PRIM2: variants seen among roughly 807,000 people sequenced by gnomAD.
The protein encoded by PRIM2 is DNA primase large subunit.
A neutral mutation model predicts 67.3 loss-of-function variants in PRIM2; 39 were observed. The ratio of observed to expected loss-of-function variants is 0.58; its 90% CI spans 0.45 to 0.76. The LOEUF (loss-of-function observed/expected upper bound fraction) is 0.76. Ranked by LOEUF, PRIM2 falls within the 30% of genes least tolerant of loss-of-function variation. PRIM2 has a pLI of 0.00. For synonymous variants in PRIM2, 143 were observed against 198.7 expected, an observed-to-expected ratio of 0.72 and a Z score of 2.36; for missense variants, 398 against 598.7, an observed-to-expected ratio of 0.66 and a Z score of 3.50.
chr6:57,316,719 G>A (rs917139030), upstream of PRIM2, among the ~76,000 whole-genome samples: 1 of 152,220 alleles, frequency 6.6e-6, no homozygotes, highest in Non-Finnish European at 1.5e-5. Flanking sequence ...TCCAGTTCTC[G>A]AAAATCTTAC....
At chr6:57,229,182 C>A in the PRIM2 span, among the ~76,000 whole-genome samples, 1 of 152,164 alleles carries the variant, frequency 6.6e-6, no homozygotes, top group Non-Finnish European at 1.5e-5. Flanking sequence ...TTGCCTCTAA[C>A]CCATTCTATT....
chr6:57,315,861 T>G (rs1339996779), upstream of PRIM2, among the ~76,000 whole-genome samples: 1 of 152,244 alleles, frequency 6.6e-6, no homozygotes, highest in Non-Finnish European at 1.5e-5. Context: ...TATCCAGAGA[T>G]AAGATATTCA....
At chr6:57,402,820 A>G (rs1007896206) in intron 7 of PRIM2, among the ~76,000 whole-genome samples, 12 of 152,206 alleles carry the variant, frequency 7.9e-5, no homozygotes, top group African/African-American at 2.9e-4. Context: ...AGGCAATATA[A>G]AATGGGGGTT....
intron 7 of PRIM2, among the ~76,000 whole-genome samples, chr6:57,489,624 A>G (rs1421965003): frequency 1.3e-5 from 2 of 152,312 alleles, no homozygotes; most frequent in Non-Finnish European, 1.5e-5. Flanking sequence ...AGGTAATTCT[A>G]TTTTCTAATA....
At chr6:57,248,456 C>T in the PRIM2 span, among the ~76,000 whole-genome samples, 1 of 152,110 alleles carries the variant, frequency 6.6e-6, no homozygotes, top group African/African-American at 2.4e-5. Flanking sequence ...AATGCACAAA[C>T]AAAGCAAGGC....
At chr6:57,234,638 C>T in the PRIM2 span, among the ~76,000 whole-genome samples, 4 of 152,260 alleles carry the variant, frequency 2.6e-5, no homozygotes, top group South Asian at 6.2e-4. Context: ...ATTCTCTTGC[C>T]TCAGCCTCCC....
chr6:57,237,106 T>A, the PRIM2 span, among the ~76,000 whole-genome samples: 1 of 151,680 alleles, frequency 6.6e-6, no homozygotes, highest in Non-Finnish European at 1.5e-5. Context: ...TGATCGCCAT[T>A]CTAACTGGTG....
At chr6:57,384,157 C>A (rs1562723808) in intron 7 of PRIM2, among the ~76,000 whole-genome samples, 2 of 152,238 alleles carry the variant, frequency 1.3e-5, no homozygotes, top group Non-Finnish European at 2.9e-5. Context: ...TGGGATCAGG[C>A]TTTATTTCTA....
At chr6:57,492,396 A>C (rs1554346043) in intron 7 of PRIM2, among the ~76,000 whole-genome samples, 1 of 152,020 alleles carries the variant, frequency 6.6e-6, no homozygotes, top group Admixed American at 6.6e-5. Flanking sequence ...TACAAAAATT[A>C]GCAGGGCATG....
At chr6:57,545,420 C>A (rs1434971108) in intron 10 of PRIM2, among the ~76,000 whole-genome samples, 1 of 152,036 alleles carries the variant, frequency 6.6e-6, no homozygotes, top group Admixed American at 6.5e-5. Flanking sequence ...CTTTCCAAGA[C>A]CTTATTTTAT....
intron 7 of PRIM2, among the ~76,000 whole-genome samples, chr6:57,431,110 G>A (rs1212342345): frequency 8.5e-5 from 13 of 152,048 alleles, no homozygotes; most frequent in East Asian, 3.9e-4. Flanking sequence ...AATCTTCGTC[G>A]TGTCCCTTTT....
rs1473401338 is a variant in PRIM2, at chr6:57,463,123, C to T, written c.694-44264C>T. ...TGGCAGAGGGGTGGTGGGAAAAGCA[C>T]TGGCTCGGAAATCTAGAACTGAGTT... On this transcript the variant is annotated intron_variant, in intron 7 of 13. Transcript: ENST00000615550. 4.6e-5 allele frequency among the ~76,000 whole-genome samples: 7 copies of T among 152,262 alleles called. No homozygotes were observed. In the East Asian group the frequency reaches 1.4e-3, roughly 29 times the overall value.
chr6:57,540,445 T>C lies in PRIM2; in HGVS notation c.1020+2820T>C, dbSNP rs1316987652. Among the ~76,000 whole-genome samples the C allele has an allele frequency of 6.6e-5, 10 of 152,306 alleles. No homozygotes were observed. The East Asian group carries it at 1.7e-3, about 26-fold the overall frequency. On this transcript the variant is annotated intron_variant, in intron 10 of 13. Coordinates refer to ENST00000615550, the MANE Select transcript of PRIM2 (RefSeq NM_000947.5). Reference sequence around the variant, plus strand: ...AGAATGATAGTGTACAAGTTGATGCTTGAAATACACAGGTGTGAACTGCAT... The same window carrying C: ...AGAATGATAGTGTACAAGTTGATGCCTGAAATACACAGGTGTGAACTGCAT...
At chr6:57,317,444 GA>G (rs3834320), upstream of PRIM2, among the ~76,000 whole-genome samples, 31 of 151,972 alleles carry the variant, frequency 2.0e-4, no homozygotes, top group East Asian at 5.4e-3. Flanking sequence ...TTAAAATTTG[GA>G]AAAAAAATCC....
intron 5 of PRIM2, among the ~76,000 whole-genome samples, chr6:57,359,993 G>A (rs1042007483): frequency 2.0e-5 from 3 of 152,220 alleles, no homozygotes; most frequent in African/African-American, 7.2e-5. Context: ...GTTTAGGACA[G>A]TGGAAAGTAA....
chr6:57,496,956 C>T (rs1213784518), intron 7 of PRIM2, among the ~76,000 whole-genome samples: 2 of 152,194 alleles, frequency 1.3e-5, no homozygotes, highest in African/African-American at 2.4e-5. Context: ...ACTTACCTCA[C>T]GTGGGCTGTA....
chr6:57,272,760 G>T, the PRIM2 span, among the ~76,000 whole-genome samples: 1 of 152,288 alleles, frequency 6.6e-6, no homozygotes, highest in Middle Eastern at 3.4e-3. Context: ...TGCAGTGGCT[G>T]GTACCGGTTG....
chr6:57,336,149 A>G (rs1244833419), intron 5 of PRIM2, among the ~76,000 whole-genome samples: 5 of 152,188 alleles, frequency 3.3e-5, no homozygotes, highest in African/African-American at 1.2e-4. Flanking sequence ...CGAGAAGGGA[A>G]GTTTAGAGAA....
chr6:57,335,219 G>A (rs1339011407), intron 5 of PRIM2, among the ~76,000 whole-genome samples: 5 of 152,258 alleles, frequency 3.3e-5, no homozygotes, highest in Non-Finnish European at 7.4e-5. Flanking sequence ...CTACGCCCAC[G>A]GAGTCTCGCT....
Sources: gnomAD v4.1 joint callset for allele counts (sites outside exome capture counted in the v4.1 genomes callset) on GRCh38, gnomAD v4.1.1 for gene constraint, MANE v1.5 for transcripts, NCBI Gene and HGNC (gene_info 2026-07-23, HGNC 2026-07-21) for gene names.